MAP3K13: variants seen among roughly 807,000 people sequenced by gnomAD.
MAP3K13 encodes mitogen-activated protein kinase kinase kinase 13.
MAP3K13 carries 52 observed loss-of-function variants against 104.0 expected under a neutral mutation model. That is an observed-to-expected ratio of 0.50 (90% CI 0.40 to 0.63). MAP3K13 has a LOEUF of 0.63. MAP3K13 is among the 20% of genes least tolerant of loss of function. The pLI, the probability that MAP3K13 is intolerant of heterozygous loss-of-function variation, is 0.00. For missense variants in MAP3K13, 914 were observed against 1,218.5 expected (o/e 0.75, Z 3.72); for synonymous variants, 394 against 442.2 (o/e 0.89, Z 1.37).
At chr3:185,457,426 G>C (rs1265501487) in intron 7 of MAP3K13, among the ~76,000 whole-genome samples, 1 of 152,198 alleles carries the variant, frequency 6.6e-6, no homozygotes, top group African/African-American at 2.4e-5. Context: ...GGCACCAGCA[G>C]AGTTGGTGTC....
At chr3:185,371,560 T>A (rs1304239315) in intron 1 of MAP3K13, among the ~76,000 whole-genome samples, 1 of 152,222 alleles carries the variant, frequency 6.6e-6, no homozygotes, top group East Asian at 1.9e-4. Context: ...TGAGCAATTC[T>A]GAGGACATTT....
At chr3:185,455,791 ATATAT>A (rs1166768503) in intron 7 of MAP3K13, among the ~76,000 whole-genome samples, 21 of 115,906 alleles carry the variant, frequency 1.8e-4, no homozygotes, top group African/African-American at 5.5e-4. Context: ...TATGAGATAT[ATATAT>A]GAGATATATG....
upstream of MAP3K13, among the ~76,000 whole-genome samples, chr3:185,359,160 G>T (rs1723497985): frequency 2.0e-5 from 3 of 152,154 alleles, no homozygotes; most frequent in Admixed American, 2.0e-4. Flanking sequence ...ATGGTGGAAG[G>T]CAAGGAAGAG....
At chr3:185,384,540 A>G (rs914386396) in intron 1 of MAP3K13, among the ~76,000 whole-genome samples, 3 of 152,146 alleles carry the variant, frequency 2.0e-5, no homozygotes, top group African/African-American at 7.2e-5. Context: ...AGAAACCTCC[A>G]TATTGTTTTC....
At chr3:185,291,625 C>A (rs200003218) in intron 2 of MAP3K13, 1 of 1,527,520 alleles carries the variant, frequency 6.5e-7, no homozygotes. Flanking sequence ...TCAAGTACCA[C>A]GTTTTTGAAG....
chr3:185,365,083 C>T lies in MAP3K13; in HGVS notation c.-86+1715C>T, dbSNP rs182483406. On this transcript the variant is annotated intron_variant, in intron 1 of 13. Transcript: ENST00000265026. Reference sequence around the variant, plus strand: ...TGATGCACATTTTGCCAAAAGAGAGCCTTATTTCTGTGAAAGAAATACAGT... The same window carrying T: ...TGATGCACATTTTGCCAAAAGAGAGTCTTATTTCTGTGAAAGAAATACAGT... Among the ~76,000 whole-genome samples the T allele has an allele frequency of 3.2e-3, 483 of 152,210 alleles. 3 individuals are homozygous for T. Among genetic ancestry groups the T allele is most frequent in the Non-Finnish European group, 4.4e-3 (300 of 68,004 alleles).
intron 2 of MAP3K13, among the ~76,000 whole-genome samples, chr3:185,312,378 C>G (rs1462562164): frequency 1.3e-5 from 2 of 152,180 alleles, no homozygotes; most frequent in Non-Finnish European, 2.9e-5. Context: ...ATGTGTGTTT[C>G]AAGGGTCACG....
chr3:185,296,215 G>C (rs1026011809), intron 2 of MAP3K13, among the ~76,000 whole-genome samples: 12 of 152,190 alleles, frequency 7.9e-5, no homozygotes, highest in African/African-American at 2.9e-4. Context: ...CTGCACTCCA[G>C]CCTGGGTAAC....
Position 185,418,199 on chromosome 3 carries a change from C to T in MAP3K13, c.-85-10298C>T, listed in dbSNP as rs1560095788. ...ATACGGCGACGGTTTCTCATTTTGC[C>T]TTTGCCAGCTCTCATTCGCTGAGAG... is the stretch of plus-strand genomic sequence containing the variant. On this transcript the variant is annotated intron_variant, in intron 1 of 13. Transcript: ENST00000265026. The surrounding 1 kb of genome is among the most constrained non-coding windows in gnomAD (Gnocchi z 4.5). 1 of 1,611,254 alleles carries T rather than the reference C, an allele frequency of 6.2e-7. No individual in the cohort carries two copies. The highest frequency in any genetic ancestry group is 8.5e-7 in the Non-Finnish European group (1 of 1,178,848).
Position 185,480,385 on chromosome 3 carries a change from A to G in MAP3K13, c.2655A>G (p.Leu885=), listed in dbSNP as rs1383725010. The G allele has an allele frequency of 4.3e-6, 7 of 1,614,098 alleles. No homozygotes were observed. Among genetic ancestry groups the G allele is most frequent in the Middle Eastern group, 1.6e-4 (1 of 6,084 alleles). Residue 885 remains leucine, a synonymous_variant, in exon 13 of 14, where the codon CTA becomes CTG. Coordinates refer to ENST00000265026, the MANE Select transcript of MAP3K13 (RefSeq NM_004721.5). ...TTGAAGACCGCTTGGCAGAGAAGCT[A>G]GACGACCTGCTGTCCCAGACGCCAG... The part of the protein sequence containing the change: ...DKLEDRLAEK[L]DDLLSQTPEI...
intron 13 of MAP3K13, among the ~76,000 whole-genome samples, chr3:185,480,869 G>A: frequency 6.6e-6 from 1 of 152,114 alleles, no homozygotes; most frequent in East Asian, 1.9e-4. Context: ...GAAACCATCA[G>A]ATCTCATGAG....
At chr3:185,421,478 A>G (rs948321898) in intron 1 of MAP3K13, among the ~76,000 whole-genome samples, 4 of 152,236 alleles carry the variant, frequency 2.6e-5, no homozygotes. Context: ...GATTACAGGC[A>G]TGAGCCACCG....
At chr3:185,297,461 G>A (rs1482486325) in intron 2 of MAP3K13, among the ~76,000 whole-genome samples, 2 of 152,126 alleles carry the variant, frequency 1.3e-5, no homozygotes, top group Non-Finnish European at 2.9e-5. Context: ...TTGGCTGGGC[G>A]CAGTGACTCA....
At chr3:185,444,086 G>A (rs1001720092) in intron 4 of MAP3K13, among the ~76,000 whole-genome samples, 20 of 152,066 alleles carry the variant, frequency 1.3e-4, no homozygotes, top group African/African-American at 4.6e-4. Context: ...TGTAATCCTA[G>A]AACTTTGGGA....
intron 10 of MAP3K13, among the ~76,000 whole-genome samples, chr3:185,472,027 T>C (rs540108959): frequency 2.6e-5 from 4 of 152,316 alleles, no homozygotes; most frequent in Non-Finnish European, 5.9e-5. Flanking sequence ...TTAATTTTTC[T>C]ATTAGAATTG....
intron 2 of MAP3K13, among the ~76,000 whole-genome samples, chr3:185,354,251 C>T: frequency 6.6e-6 from 1 of 151,426 alleles, no homozygotes; most frequent in Non-Finnish European, 1.5e-5. Context: ...ACATATCTAT[C>T]TGCTAAGGGT....
chr3:185,381,833 G>A (rs1215701118), intron 1 of MAP3K13, among the ~76,000 whole-genome samples: 1 of 152,224 alleles, frequency 6.6e-6, no homozygotes, highest in Non-Finnish European at 1.5e-5. Context: ...ACAAGGTTAT[G>A]TATTGATCAG....
intron 1 of MAP3K13, among the ~76,000 whole-genome samples, chr3:185,414,046 G>A (rs1713603790): frequency 1.3e-5 from 2 of 152,116 alleles, no homozygotes; most frequent in Non-Finnish European, 2.9e-5. Flanking sequence ...ACAATACAGT[G>A]TTGTGGTTAA....
intron 2 of MAP3K13, among the ~76,000 whole-genome samples, chr3:185,306,610 A>C (rs1464768180): frequency 6.6e-6 from 1 of 152,080 alleles, no homozygotes; most frequent in South Asian, 2.1e-4. Context: ...GTTCCTTTGC[A>C]CACTTTTAAT....
Sources: allele counts gnomAD v4.1 joint callset (sites outside exome capture counted in the v4.1 genomes callset), GRCh38; gene constraint gnomAD v4.1.1; non-coding constraint Gnocchi (gnomAD v3.1); transcripts MANE v1.5; gene names NCBI Gene and HGNC (gene_info 2026-07-23, HGNC 2026-07-21).